The following PHACTR4 variants were observed in gnomAD, a reference collection of about 807,000 sequenced individuals.
PHACTR4 encodes phosphatase and actin regulator 4.
Under a neutral mutation model 72.7 loss-of-function variants are expected in PHACTR4, and 51 were observed. The ratio of observed to expected loss-of-function variants is 0.70; its 90% confidence interval spans 0.56 to 0.89. The LOEUF (loss-of-function observed/expected upper bound fraction) is 0.89, where lower values mean the gene tolerates loss of function less well. Among genes scored for constraint, PHACTR4 ranks in the 40% least tolerant of loss-of-function variants. The pLI is 0.00. For synonymous variants in PHACTR4, 255 were observed against 302.5 expected, an observed-to-expected ratio of 0.84 and a Z score of 1.63; for missense variants, 731 against 861.8, an observed-to-expected ratio of 0.85 and a Z score of 1.90.
intron 6 of PHACTR4, among the ~76,000 whole-genome samples, chr1:28,468,514 C>T (rs760996850): frequency 7.9e-5 from 12 of 152,094 alleles, no homozygotes; most frequent in Non-Finnish European, 1.3e-4. Context: ...ATTGCTTGCA[C>T]GTGGGAAGCA....
chr1:28,430,779 C>T (rs1569925856), intron 2 of PHACTR4, among the ~76,000 whole-genome samples: 1 of 152,114 alleles, frequency 6.6e-6, no homozygotes, highest in Non-Finnish European at 1.5e-5. Flanking sequence ...TTAAAATAGT[C>T]AATAGCTGAT....
chr1:28,396,845 C>CTTTTTTTTTTTTTTTTTTTTT (rs60578939), intron 1 of PHACTR4, among the ~76,000 whole-genome samples: 2 of 119,666 alleles, frequency 1.7e-5, no homozygotes, highest in African/African-American at 6.5e-5. Flanking sequence ...TTCTTTCTTT[C>CTTTTTTTTTTTTTTTTTTTTT]TTTTTTTTTT....
chr1:28,479,785 C>T (rs1437391329), intron 8 of PHACTR4, among the ~76,000 whole-genome samples: 2 of 151,978 alleles, frequency 1.3e-5, no homozygotes, highest in Non-Finnish European at 2.9e-5. Context: ...CTCAGCTACT[C>T]AGGAGGCTAA....
At chr1:28,478,527 GT>G (rs1383681044) in intron 8 of PHACTR4, among the ~76,000 whole-genome samples, 1 of 152,136 alleles carries the variant, frequency 6.6e-6, no homozygotes, top group African/African-American at 2.4e-5. Context: ...CGCCTCCCAG[GT>G]TCAAGCGATT....
chr1:28,479,705 C>G (rs1000946834), intron 8 of PHACTR4, among the ~76,000 whole-genome samples: 1 of 151,418 alleles, frequency 6.6e-6, no homozygotes, highest in Non-Finnish European at 1.5e-5. Context: ...GCCAACATAA[C>G]GAAACCCGAA....
intron 13 of PHACTR4, 53 bp downstream of exon 13, chr1:28,493,144 AT>A: frequency 6.7e-7 from 1 of 1,488,344 alleles, no homozygotes; most frequent in Non-Finnish European, 9.4e-7. Context: ...TTTCCAAAAA[AT>A]TGTTCAGATA....
chr1:28,462,578 C>T (rs898696941), intron 4 of PHACTR4, among the ~76,000 whole-genome samples: 2 of 152,060 alleles, frequency 1.3e-5, no homozygotes, highest in African/African-American at 4.8e-5. Flanking sequence ...TTTGGCCAGG[C>T]TGGTCTCAAA....
At chr1:28,374,053 T>C (rs950326114) in intron 1 of PHACTR4, among the ~76,000 whole-genome samples, 3 of 152,224 alleles carry the variant, frequency 2.0e-5, no homozygotes, top group African/African-American at 4.8e-5. Context: ...GGAACTGGAA[T>C]TTCTGGAACC....
At position 28,460,929 on chromosome 1, in the gene PHACTR4, C is replaced by A. The variant is rs528617653; in HGVS notation, c.271+637C>A. Among the ~76,000 whole-genome samples, 24 of 152,190 alleles carry A rather than the reference C, an allele frequency of 1.6e-4. No homozygotes were observed. The South Asian group carries it at 4.8e-3, about 30-fold the overall frequency. ...AAAGTGCTGGGATTACAGGCTTGAGCCACCGCGCCCAGCTCATTTTCTTTT... is the reference window on the plus strand; with the variant it reads ...AAAGTGCTGGGATTACAGGCTTGAGACACCGCGCCCAGCTCATTTTCTTTT... On this transcript the variant is annotated intron_variant, in intron 4 of 13. Coordinates refer to ENST00000373839, the MANE Select transcript of PHACTR4 (RefSeq NM_001048183.3).
At chr1:28,386,250 A>G (rs1020922115) in intron 1 of PHACTR4, among the ~76,000 whole-genome samples, 2 of 151,776 alleles carry the variant, frequency 1.3e-5, no homozygotes, top group Non-Finnish European at 2.9e-5. Context: ...TGTGCCACCA[A>G]TCTTAGCAAA....
rs1316097558 is a variant in PHACTR4 at position 28,497,952 on chromosome 1, C to A, written c.*1403C>A. 6.7e-6 allele frequency: 1 copy of A among 150,204 alleles called. No individual in the cohort carries two copies. The highest frequency in any genetic ancestry group is 6.6e-5 in the Admixed American group (1 of 15,048). 9.3% of individuals were successfully genotyped at this position (150,204 alleles called of 1,614,324 possible). On this transcript the variant is annotated 3_prime_UTR_variant, in exon 14 of 14. Coordinates refer to ENST00000373839, the MANE Select transcript of PHACTR4 (RefSeq NM_001048183.3). ...TGGAGATTGCAGTGAGCCGAGATCGCGCCACTGCACTCCAGCCTGGGTGAC... is the reference window on the plus strand; with the variant it reads ...TGGAGATTGCAGTGAGCCGAGATCGAGCCACTGCACTCCAGCCTGGGTGAC...
At chr1:28,495,158 CAGTTT>C (rs1397959849) in intron 13 of PHACTR4, among the ~76,000 whole-genome samples, 2 of 152,168 alleles carry the variant, frequency 1.3e-5, no homozygotes, top group Non-Finnish European at 2.9e-5. Context: ...TTTAGCTGAA[CAGTTT>C]AGTTTATTCA....
intron 10 of PHACTR4, among the ~76,000 whole-genome samples, chr1:28,490,618 G>T (rs1048086868): frequency 2.7e-4 from 41 of 152,026 alleles, no homozygotes; most frequent in Non-Finnish European, 5.0e-4. Context: ...GGCCGAGGCG[G>T]GTGGATCACC....
At position 28,496,838 on chromosome 1, in the gene PHACTR4, A is replaced by G; in HGVS notation, c.*289A>G. 2.0e-6 allele frequency: 1 copy of G among 511,168 alleles called. No homozygotes were observed. The highest frequency in any genetic ancestry group is 3.5e-5 in the East Asian group (1 of 28,178). 31.7% of individuals were successfully genotyped at this position (511,168 alleles called of 1,614,324 possible). On this transcript the variant is annotated 3_prime_UTR_variant, in exon 14 of 14. Transcript: ENST00000373839. The stretch of plus-strand genomic sequence containing the variant: ...AAGTTCTGAACCACTTGCAGGTTCC[A>G]GGTTTTACTGGCTGCACCACACCCC...
intron 6 of PHACTR4, chr1:28,467,084 G>A (rs182097038): frequency 4.3e-4 from 89 of 206,730 alleles, no homozygotes; most frequent in African/African-American, 1.6e-3. Flanking sequence ...GTGGTGGCAC[G>A]TGCCTGTAGT....
chr1:28,485,659 G>C (rs899723665), intron 9 of PHACTR4, among the ~76,000 whole-genome samples: 2 of 150,440 alleles, frequency 1.3e-5, no homozygotes, highest in African/African-American at 4.9e-5. Flanking sequence ...CCAATACTTT[G>C]GGAGGCCGAG....
intron 2 of PHACTR4, among the ~76,000 whole-genome samples, chr1:28,418,358 G>C (rs1393637912): frequency 6.6e-6 from 1 of 151,600 alleles, no homozygotes; most frequent in Non-Finnish European, 1.5e-5. Flanking sequence ...GCAGGCAACT[G>C]TAACCCCAGC....
intron 2 of PHACTR4, among the ~76,000 whole-genome samples, chr1:28,455,594 G>A (rs1266881668): frequency 6.6e-6 from 1 of 152,076 alleles, no homozygotes; most frequent in Non-Finnish European, 1.5e-5. Context: ...TAATAATCTG[G>A]TATTGGGTTT....
At chr1:28,443,896 A>G (rs779159717) in intron 2 of PHACTR4, among the ~76,000 whole-genome samples, 5 of 152,152 alleles carry the variant, frequency 3.3e-5, no homozygotes, top group Admixed American at 2.6e-4. Flanking sequence ...GGAAGTGCAG[A>G]TATCTCTTCA....
Sources: gnomAD v4.1 joint callset for allele counts (sites outside exome capture counted in the v4.1 genomes callset) on GRCh38, gnomAD v4.1.1 for gene constraint, MANE v1.5 for transcripts, NCBI Gene and HGNC (gene_info 2026-07-23, HGNC 2026-07-21) for gene names.